The following ZNF385D variants were observed in gnomAD, a reference collection of about 807,000 sequenced individuals.
ZNF385D encodes the protein zinc finger protein 385D.
In ZNF385D, 15 loss-of-function variants were observed where a neutral mutation model predicts 35.8. That is an observed-to-expected ratio of 0.42 (90% confidence interval 0.28 to 0.64). The LOEUF (loss-of-function observed/expected upper bound fraction) is 0.64, where lower values mean the gene tolerates loss of function less well. Ranked by LOEUF, ZNF385D falls within the 30% of genes least tolerant of loss-of-function variation. The pLI is 0.23. For missense variants in ZNF385D, 474 were observed against 494.6 expected, an observed-to-expected ratio of 0.96 and a Z score of 0.39; for synonymous variants, 212 against 186.8, an observed-to-expected ratio of 1.13 and a Z score of -1.10.
chr3:21,854,635 T>C (rs1696605889), intron 3 of ZNF385D, among the ~76,000 whole-genome samples: 1 of 152,056 alleles, frequency 6.6e-6, no homozygotes, highest in East Asian at 1.9e-4. Context: ...CATCTTTTTG[T>C]TGTTGTTGTT....
intron 4 of ZNF385D, among the ~76,000 whole-genome samples, chr3:21,455,396 C>T (rs755067529): frequency 6.6e-6 from 1 of 152,134 alleles, no homozygotes; most frequent in Non-Finnish European, 1.5e-5. Context: ...AGACATAGAC[C>T]AATGGAACGG....
intron 2 of ZNF385D, among the ~76,000 whole-genome samples, chr3:21,615,586 C>G (rs1005283077): frequency 6.6e-6 from 1 of 152,038 alleles, no homozygotes; most frequent in Non-Finnish European, 1.5e-5. Context: ...TTTATTCTCA[C>G]CCCAATGTTC....
intron 2 of ZNF385D, among the ~76,000 whole-genome samples, chr3:22,281,782 T>A (rs891808947): frequency 1.3e-5 from 2 of 152,120 alleles, no homozygotes; most frequent in Admixed American, 1.3e-4. Context: ...GATTCCCTCT[T>A]TCTCTATCTT....
At chr3:21,602,500 C>T (rs2064328348) in intron 2 of ZNF385D, among the ~76,000 whole-genome samples, 1 of 141,418 alleles carries the variant, frequency 7.1e-6, no homozygotes, top group Admixed American at 7.0e-5. Context: ...TTTAGGTCTC[C>T]TGTTTCCCTG....
At chr3:21,964,296 A>G (rs1702756983) in intron 3 of ZNF385D, among the ~76,000 whole-genome samples, 1 of 150,910 alleles carries the variant, frequency 6.6e-6, no homozygotes, top group African/African-American at 2.4e-5. Flanking sequence ...GTGAAAAACT[A>G]TAGATATTTT....
At chr3:21,647,305 GAATT>G (rs143895848) in intron 2 of ZNF385D, among the ~76,000 whole-genome samples, 18,453 of 151,278 alleles carry the variant, frequency 0.12, 1,191 homozygotes, top group Admixed American at 0.15. Context: ...TGGCAGCAGT[GAATT>G]AATTAATCCA....
At chr3:21,583,123 C>T (rs1320642245) in intron 2 of ZNF385D, among the ~76,000 whole-genome samples, 1 of 152,064 alleles carries the variant, frequency 6.6e-6, no homozygotes, top group African/African-American at 2.4e-5. Context: ...TCGAAAAACA[C>T]AAAATACAGT....
At chr3:22,358,326 C>T (rs368340686) in intron 2 of ZNF385D, among the ~76,000 whole-genome samples, 5 of 152,014 alleles carry the variant, frequency 3.3e-5, no homozygotes, top group Middle Eastern at 3.4e-3. Context: ...TGAGACCAGT[C>T]CTAAATTCCA....
chr3:21,577,812 CTTTTTTTTTT>C (rs779083360), intron 2 of ZNF385D, among the ~76,000 whole-genome samples: 1 of 133,570 alleles, frequency 7.5e-6, no homozygotes, highest in Non-Finnish European at 1.6e-5. Context: ...TATTTTTTTT[CTTTTTTTTTT>C]TTTTCGAGAC....
chr3:21,736,869 A>C (rs1353625230), intron 1 of ZNF385D, among the ~76,000 whole-genome samples: 2 of 152,360 alleles, frequency 1.3e-5, no homozygotes, highest in South Asian at 4.1e-4. Flanking sequence ...AAATTCATCA[A>C]TAAAAAATTT....
At chr3:21,979,423 T>G (rs1381594870) in intron 3 of ZNF385D, among the ~76,000 whole-genome samples, 1 of 152,200 alleles carries the variant, frequency 6.6e-6, no homozygotes, top group East Asian at 1.9e-4. Context: ...TTATCCAATA[T>G]TTGACAGCTA....
intron 1 of ZNF385D, among the ~76,000 whole-genome samples, chr3:21,717,765 G>A (rs1217264212): frequency 3.3e-5 from 5 of 152,158 alleles, no homozygotes; most frequent in Non-Finnish European, 1.5e-5. Flanking sequence ...CTGCCACCCT[G>A]TAAAACGTGC....
At chr3:21,692,893 T>A (rs2067330260) in intron 1 of ZNF385D, among the ~76,000 whole-genome samples, 1 of 152,220 alleles carries the variant, frequency 6.6e-6, no homozygotes, top group Admixed American at 6.5e-5. Flanking sequence ...AATTTTATTA[T>A]CATTATCCAG....
intron 3 of ZNF385D, among the ~76,000 whole-genome samples, chr3:21,849,462 T>C (rs777250979): frequency 6.6e-6 from 1 of 152,084 alleles, no homozygotes; most frequent in Non-Finnish European, 1.5e-5. Context: ...ATCCATTGCC[T>C]ATTTTTAATT....
intron 3 of ZNF385D, among the ~76,000 whole-genome samples, chr3:21,855,428 C>A (rs1470807252): frequency 6.6e-6 from 1 of 152,014 alleles, no homozygotes; most frequent in East Asian, 1.9e-4. Flanking sequence ...ATTACAGCCT[C>A]CACATTTGCC....
intron 2 of ZNF385D, among the ~76,000 whole-genome samples, chr3:22,330,658 T>C (rs988711482): frequency 1.3e-5 from 2 of 152,218 alleles, no homozygotes; most frequent in African/African-American, 4.8e-5. Context: ...CTGGTTCTCC[T>C]AGCCCATGAG....
At chr3:22,282,212 T>C (rs1415129446) in intron 2 of ZNF385D, among the ~76,000 whole-genome samples, 1 of 152,088 alleles carries the variant, frequency 6.6e-6, no homozygotes, top group Non-Finnish European at 1.5e-5. Flanking sequence ...GTTTCATTTA[T>C]CTGTTGTACT....
At chr3:22,258,760 AGATT>A (rs1213339786) in intron 2 of ZNF385D, among the ~76,000 whole-genome samples, 1 of 151,798 alleles carries the variant, frequency 6.6e-6, no homozygotes, top group Non-Finnish European at 1.5e-5. Flanking sequence ...ATATAATTAT[AGATT>A]ATTTGCATGT....
intron 3 of ZNF385D, among the ~76,000 whole-genome samples, chr3:22,112,144 T>C (rs1350959816): frequency 6.6e-6 from 1 of 152,082 alleles, no homozygotes; most frequent in African/African-American, 2.4e-5. Context: ...AAAGTGTCAG[T>C]TTTTTAAAAC....
Sources: gnomAD v4.1 joint callset for allele counts (sites outside exome capture counted in the v4.1 genomes callset) on GRCh38, gnomAD v4.1.1 for gene constraint, MANE v1.5 for transcripts, NCBI Gene and HGNC (gene_info 2026-07-23, HGNC 2026-07-21) for gene names.